The following RBFOX1 variants were observed in gnomAD, a reference collection of about 807,000 sequenced individuals.
RBFOX1 encodes the protein RNA binding fox-1 homolog 1.
In RBFOX1, 8 loss-of-function variants were observed where a neutral mutation model predicts 57.7. The ratio of observed to expected loss-of-function variants is 0.14; its 90% CI spans 0.08 to 0.25. RBFOX1 has a LOEUF of 0.25. RBFOX1 is among the 10% of genes least tolerant of loss of function. The pLI is 1.00. For synonymous variants in RBFOX1, 326 were observed against 222.4 expected (o/e 1.47, Z -4.15); for missense variants, 611 against 548.5 (o/e 1.11, Z -1.14).
intron 2 of RBFOX1, among the ~76,000 whole-genome samples, chr16:5,585,513 ATTTG>A (rs2046801847): frequency 6.6e-6 from 1 of 152,062 alleles, no homozygotes; most frequent in Admixed American, 6.5e-5. Context: ...GCCTGTAGCT[ATTTG>A]TTTCTTGTGA....
intron 2 of RBFOX1, among the ~76,000 whole-genome samples, chr16:6,360,796 G>T (rs1225339860): frequency 6.6e-6 from 1 of 152,124 alleles, no homozygotes; most frequent in African/African-American, 2.4e-5. Flanking sequence ...GTGCCACAGA[G>T]CTCCATGTCT....
intron 4 of RBFOX1, among the ~76,000 whole-genome samples, chr16:5,952,353 G>A (rs2059539020): frequency 6.6e-6 from 1 of 152,008 alleles, no homozygotes; most frequent in Non-Finnish European, 1.5e-5. Context: ...GTTTCACCAT[G>A]TTGACCAGTC....
At chr16:5,938,407 G>A (rs1319585324) in intron 4 of RBFOX1, among the ~76,000 whole-genome samples, 1 of 152,104 alleles carries the variant, frequency 6.6e-6, no homozygotes, top group African/African-American at 2.4e-5. Context: ...TAGCAAGTTC[G>A]AATATTAAAA....
chr16:6,707,185 A>C (rs1449038707), intron 3 of RBFOX1, among the ~76,000 whole-genome samples: 3 of 152,150 alleles, frequency 2.0e-5, no homozygotes, highest in Non-Finnish European at 2.9e-5. Context: ...TTTTGTTAAC[A>C]TGTCGTTTGA....
At chr16:6,675,425 A>C (rs946620243) in intron 3 of RBFOX1, among the ~76,000 whole-genome samples, 1 of 152,136 alleles carries the variant, frequency 6.6e-6, no homozygotes, top group African/African-American at 2.4e-5. Context: ...AAGCAGAGCA[A>C]ACTGGCCCAG....
At chr16:6,489,447 C>T (rs1244749665) in intron 2 of RBFOX1, among the ~76,000 whole-genome samples, 1 of 152,034 alleles carries the variant, frequency 6.6e-6, no homozygotes, top group African/African-American at 2.4e-5. Flanking sequence ...CTACTTTTTA[C>T]AAAGAGGGAA....
chr16:6,064,490 C>T (rs2095732460), intron 1 of RBFOX1, among the ~76,000 whole-genome samples: 1 of 152,098 alleles, frequency 6.6e-6, no homozygotes. Flanking sequence ...TAAGCAAATC[C>T]ATTCCCACAT....
intron 3 of RBFOX1, among the ~76,000 whole-genome samples, chr16:5,713,321 GAGGAAGGGAGTCAGGGACTTA>G (rs2051565066): frequency 6.6e-6 from 1 of 152,182 alleles, no homozygotes; most frequent in Non-Finnish European, 1.5e-5. Context: ...ACAAGGAAGG[GAGGAAGGGAGTCAGGGACTTA>G]AGTACAGGAA....
chr16:7,373,959 T>C (rs1321474139), intron 4 of RBFOX1, among the ~76,000 whole-genome samples: 1 of 152,202 alleles, frequency 6.6e-6, no homozygotes, highest in African/African-American at 2.4e-5. Flanking sequence ...GTATCACTTT[T>C]GAAGCTTAGC....
At chr16:5,410,211 A>C (rs1006919831) in intron 1 of RBFOX1, among the ~76,000 whole-genome samples, 3 of 151,870 alleles carry the variant, frequency 2.0e-5, no homozygotes, top group East Asian at 1.9e-4. Flanking sequence ...AAAAGAAAAA[A>C]ACTACAAAAA....
Position 7,430,129 on chromosome 16 carries a change from A to G in RBFOX1, c.28-88018A>G, listed in dbSNP as rs554598859. On this transcript the variant is annotated intron_variant, in intron 4 of 15. Coordinates refer to ENST00000550418, the MANE Select transcript of RBFOX1 (RefSeq NM_018723.4). ...GTTCTACTTTCTTGCCACTAAGTCT[A>G]TAATCCAACCAAATGAGCTTATCAT... is the stretch of plus-strand genomic sequence containing the variant. Among the ~76,000 whole-genome samples, 94 of 152,368 alleles carry G rather than the reference A, an allele frequency of 6.2e-4. 1 individual carries two copies. Among genetic ancestry groups the G allele is most frequent in the Non-Finnish European group, 1.0e-3 (70 of 68,038 alleles).
intron 2 of RBFOX1, among the ~76,000 whole-genome samples, chr16:6,461,676 C>G (rs117272708): frequency 0.014 from 2,177 of 152,138 alleles, 20 homozygotes; most frequent in Non-Finnish European, 0.024. Flanking sequence ...TTTGTTTTGA[C>G]AGAAATCTTT....
chr16:7,548,349 G>C (rs931133628), intron 5 of RBFOX1, among the ~76,000 whole-genome samples: 10 of 152,124 alleles, frequency 6.6e-5, no homozygotes, highest in African/African-American at 2.4e-4. Flanking sequence ...TAGAGACAGG[G>C]TTTCACCATA....
intron 4 of RBFOX1, among the ~76,000 whole-genome samples, chr16:7,517,281 A>C (rs567510199): frequency 2.6e-5 from 4 of 151,440 alleles, no homozygotes; most frequent in Non-Finnish European, 5.9e-5. Context: ...TGTGTTTTTA[A>C]AATTCTTCTG....
intron 4 of RBFOX1, among the ~76,000 whole-genome samples, chr16:5,920,522 A>C (rs2058798549): frequency 6.6e-6 from 1 of 152,138 alleles, no homozygotes; most frequent in South Asian, 2.1e-4. Flanking sequence ...GGAACTGATC[A>C]CAGCTTTTTG....
At chr16:7,304,348 G>C (rs2096118788) in intron 4 of RBFOX1, 1 of 985,338 alleles carries the variant, frequency 1.0e-6, no homozygotes, top group South Asian at 4.7e-5. Flanking sequence ...TTGCATTCAA[G>C]CGTCCCCACT....
At chr16:6,617,550 G>T (rs919558196) in intron 2 of RBFOX1, among the ~76,000 whole-genome samples, 4 of 152,012 alleles carry the variant, frequency 2.6e-5, no homozygotes, top group Admixed American at 2.0e-4. Flanking sequence ...TGGCCATGTG[G>T]TTATAGACAG....
At chr16:6,094,665 C>T (rs756615357) in intron 1 of RBFOX1, among the ~76,000 whole-genome samples, 61 of 152,174 alleles carry the variant, frequency 4.0e-4, no homozygotes, top group Non-Finnish European at 6.3e-4. Context: ...AGTTTAAGAT[C>T]ACAGGCATTG....
intron 4 of RBFOX1, among the ~76,000 whole-genome samples, chr16:7,268,117 A>G (rs993438442): frequency 2.0e-5 from 3 of 152,180 alleles, no homozygotes; most frequent in African/African-American, 7.2e-5. Flanking sequence ...GGCATGTGTA[A>G]CATCATGGCC....
Sources: allele counts gnomAD v4.1 joint callset (sites outside exome capture counted in the v4.1 genomes callset), GRCh38; gene constraint gnomAD v4.1.1; transcripts MANE v1.5; gene names NCBI Gene and HGNC (gene_info 2026-07-23, HGNC 2026-07-21).